LTBP1: variants seen among roughly 807,000 people sequenced by gnomAD.
LTBP1 encodes the protein latent transforming growth factor beta binding protein 1.
A neutral mutation model predicts 207.6 loss-of-function variants in LTBP1; 129 were observed. That is an observed-to-expected ratio of 0.62 (90% CI 0.54 to 0.72). The LOEUF (loss-of-function observed/expected upper bound fraction) is 0.72. Among genes scored for constraint, LTBP1 ranks in the 30% least tolerant of loss-of-function variants. The pLI is 0.00. For synonymous variants in LTBP1, 963 were observed against 833.7 expected, an observed-to-expected ratio of 1.16 and a Z score of -2.67; for missense variants, 2,281 against 2,217.2, an observed-to-expected ratio of 1.03 and a Z score of -0.58.
chr2:33,091,755 A>G lies in LTBP1; in HGVS notation c.864-18827A>G, dbSNP rs539190127. ...TCTGTGTTCTCAGAGCATCTGTCCT[A>G]TTTGTGTCTCTTGGGTCTGGATTTC... is the stretch of plus-strand genomic sequence containing the variant. On this transcript the variant is annotated intron_variant, in intron 3 of 33. Coordinates refer to ENST00000404816, the MANE Select transcript of LTBP1 (RefSeq NM_206943.4). Among the ~76,000 whole-genome samples, 6 of 152,124 alleles carry G rather than the reference A, an allele frequency of 3.9e-5. No individual in the cohort carries two copies. In the South Asian group the frequency reaches 1.2e-3, roughly 32 times the overall value.
intron 7 of LTBP1, among the ~76,000 whole-genome samples, chr2:33,189,885 G>A (rs889230299): frequency 1.9e-4 from 29 of 152,026 alleles, no homozygotes; most frequent in African/African-American, 2.4e-4. Context: ...AAATTAGCCC[G>A]GCGTGGTGGC....
intron 31 of LTBP1, among the ~76,000 whole-genome samples, chr2:33,386,785 A>G (rs896862936): frequency 5.3e-5 from 8 of 150,468 alleles, no homozygotes; most frequent in South Asian, 2.1e-4. Flanking sequence ...CGATACCACA[A>G]TGGTGCCACT....
chr2:33,244,000 A>G lies in LTBP1; in HGVS notation c.1999+216A>G, dbSNP rs912432618. Among the ~76,000 whole-genome samples the G allele has an allele frequency of 5.9e-5, 9 of 152,216 alleles. No homozygotes were observed. The East Asian group carries it at 1.7e-3, about 29-fold the overall frequency. ...GCATTTTTATTGTGGTGATAAAAAT[A>G]TAATAGCTAAAACTCTGAATAGAGA... On this transcript the variant is annotated intron_variant, in intron 10 of 33. Coordinates refer to ENST00000404816, the MANE Select transcript of LTBP1 (RefSeq NM_206943.4).
chr2:33,004,809 A>ATATATATATATATG (rs1298591734), intron 2 of LTBP1, among the ~76,000 whole-genome samples: 42 of 145,494 alleles, frequency 2.9e-4, no homozygotes, highest in African/African-American at 8.7e-4. Flanking sequence ...ATATATATAT[A>ATATATATATATATG]TATATAAACA....
chr2:32,992,528 C>T (rs1473765042), intron 2 of LTBP1, among the ~76,000 whole-genome samples: 1 of 152,200 alleles, frequency 6.6e-6, no homozygotes, highest in Non-Finnish European at 1.5e-5. Context: ...GATCCCAGAG[C>T]TCAGACAGGC....
chr2:33,092,121 T>C (rs1039619692), intron 3 of LTBP1, among the ~76,000 whole-genome samples: 4 of 152,208 alleles, frequency 2.6e-5, no homozygotes, highest in Non-Finnish European at 4.4e-5. Flanking sequence ...AAAAAAATTA[T>C]GGACCCCTTT....
intron 11 of LTBP1, among the ~76,000 whole-genome samples, chr2:33,253,600 A>C (rs1408075621): frequency 6.6e-6 from 1 of 152,222 alleles, no homozygotes; most frequent in Non-Finnish European, 1.5e-5. Flanking sequence ...GACATTAAAT[A>C]GTCTACTCAA....
chr2:33,186,307 C>T (rs1017880029), intron 5 of LTBP1, among the ~76,000 whole-genome samples: 42 of 152,074 alleles, frequency 2.8e-4, no homozygotes, highest in Admixed American at 5.9e-4. Context: ...TTATGGGGTA[C>T]AGGAGATGTT....
intron 3 of LTBP1, among the ~76,000 whole-genome samples, chr2:33,041,681 A>G (rs2076193171): frequency 1.3e-5 from 2 of 152,158 alleles, no homozygotes; most frequent in Non-Finnish European, 2.9e-5. Context: ...CTTAATGAAC[A>G]CCTGCTATGT....
rs777862031 is a variant in LTBP1, at chr2:33,257,368, G to A, written c.2252G>A (p.Gly751Asp). The A allele has an allele frequency of 3.1e-6, 5 of 1,614,062 alleles. No individual in the cohort carries two copies. Among genetic ancestry groups the A allele is most frequent in the African/African-American group, 1.3e-5 (1 of 74,922 alleles). Reference sequence around the variant, plus strand: ...CGCAGGCCAATCCATCACCATGTAGGTAAAGGACCTGTATTTGTCAAGCCA... The same window carrying A: ...CGCAGGCCAATCCATCACCATGTAGATAAAGGACCTGTATTTGTCAAGCCA... The part of the protein sequence containing the change: ...HRRRPIHHHV[G>D]KGPVFVKPKN... The change falls in exon 12 of 34, where the codon GGT becomes GAT. Residue 751 changes from glycine to aspartate, a missense_variant. Coordinates refer to ENST00000404816, the MANE Select transcript of LTBP1 (RefSeq NM_206943.4).
Position 33,210,502 on chromosome 2 carries a change from C to T in LTBP1, c.1702-7050C>T, listed in dbSNP as rs1013028296. Among the ~76,000 whole-genome samples, 3 of 152,236 alleles carry T rather than the reference C, an allele frequency of 2.0e-5. No individual in the cohort carries two copies. The East Asian group carries it at 5.8e-4, about 29-fold the overall frequency. On this transcript the variant is annotated intron_variant, in intron 7 of 33. Coordinates refer to ENST00000404816, the MANE Select transcript of LTBP1 (RefSeq NM_206943.4). ...CTCCTCTTCATCCTCATCAGTCTTT[C>T]TGTACTTACCATTGTTTCAAAGATG...
rs374833125 is a variant in LTBP1 at position 33,362,453 on chromosome 2, G to A, written c.4271-937G>A. ...TACATTACTATGTTTTTGCAGGGAT[G>A]TAGTTAAATCTCACTTCATATTAAG... On this transcript the variant is annotated intron_variant, in intron 28 of 33. Coordinates refer to ENST00000404816, the MANE Select transcript of LTBP1 (RefSeq NM_206943.4). Among the ~76,000 whole-genome samples, 28 of 152,264 alleles carry A rather than the reference G, an allele frequency of 1.8e-4. 1 individual carries two copies. In the South Asian group the frequency reaches 5.4e-3, roughly 29 times the overall value.
At chr2:33,348,744 T>C (rs1398171035) in intron 26 of LTBP1, among the ~76,000 whole-genome samples, 1 of 152,224 alleles carries the variant, frequency 6.6e-6, no homozygotes, top group East Asian at 1.9e-4. Flanking sequence ...AAGATAAATG[T>C]ATGTGATACA....
intron 24 of LTBP1, among the ~76,000 whole-genome samples, chr2:33,341,797 A>G (rs542740772): frequency 6.6e-4 from 100 of 150,388 alleles, no homozygotes; most frequent in Non-Finnish European, 1.1e-3. Context: ...TTTTATTAAT[A>G]GTAACTCTCC....
chr2:33,044,508 C>G (rs992812936), intron 3 of LTBP1, among the ~76,000 whole-genome samples: 1 of 152,176 alleles, frequency 6.6e-6, no homozygotes, highest in Non-Finnish European at 1.5e-5. Flanking sequence ...TTTATCCAGT[C>G]TATCATTGAT....
intron 2 of LTBP1, among the ~76,000 whole-genome samples, chr2:32,988,070 A>G (rs1175562503): frequency 6.6e-6 from 1 of 152,222 alleles, no homozygotes; most frequent in East Asian, 1.9e-4. Flanking sequence ...ATGCTGGCAG[A>G]CACCTATAGT....
At chr2:33,240,019 G>A (rs912157972) in intron 9 of LTBP1, among the ~76,000 whole-genome samples, 1 of 152,180 alleles carries the variant, frequency 6.6e-6, no homozygotes, top group African/African-American at 2.4e-5. Flanking sequence ...GACAAATATT[G>A]TAATCAGGTT....
chr2:33,012,295 C>G (rs1335480799), intron 2 of LTBP1, among the ~76,000 whole-genome samples: 1 of 152,212 alleles, frequency 6.6e-6, no homozygotes, highest in African/African-American at 2.4e-5. Context: ...GCTTCACACT[C>G]AAATCTCTGT....
At chr2:32,952,498 A>G (rs2148261765) in intron 2 of LTBP1, among the ~76,000 whole-genome samples, 1 of 152,364 alleles carries the variant, frequency 6.6e-6, no homozygotes, top group Non-Finnish European at 1.5e-5. Flanking sequence ...TGTTTTGGAC[A>G]AAAGAGATGG....
Sources: allele counts gnomAD v4.1 joint callset (sites outside exome capture counted in the v4.1 genomes callset), GRCh38; gene constraint gnomAD v4.1.1; transcripts MANE v1.5; gene names NCBI Gene and HGNC (gene_info 2026-07-23, HGNC 2026-07-21).